Variants in LRRC7 observed in about 807,000 individuals in gnomAD.
LRRC7 encodes leucine-rich repeat-containing protein 7.
A neutral mutation model predicts 175.7 loss-of-function variants in LRRC7; 23 were observed. The observed-to-expected ratio is 0.13, with a 90% CI of 0.09 to 0.19. The LOEUF (loss-of-function observed/expected upper bound fraction) is 0.19. LRRC7 is among the 10% of genes least tolerant of loss of function. The probability of loss-of-function intolerance (pLI) is 1.00; values close to 1 mark genes in which losing one functional copy is unlikely to be tolerated. For missense variants in LRRC7, 1,354 were observed against 1,904.7 expected (o/e 0.71, Z 5.38); for synonymous variants, 685 against 680.9 (o/e 1.01, Z -0.09).
chr1:70,063,527 ACT>A (rs1245449054), intron 23 of LRRC7, among the ~76,000 whole-genome samples: 1 of 152,038 alleles, frequency 6.6e-6, no homozygotes, highest in Non-Finnish European at 1.5e-5. Context: ...TTCACTGTTA[ACT>A]TGAAGTTCTA....
At chr1:69,613,134 C>T (rs576301491) in intron 1 of LRRC7, among the ~76,000 whole-genome samples, 2 of 152,186 alleles carry the variant, frequency 1.3e-5, no homozygotes, top group African/African-American at 4.8e-5. Flanking sequence ...ATGGCGTAGA[C>T]AGCAAACATT....
At position 70,098,423 on chromosome 1, in the gene LRRC7, G is replaced by C. The variant is rs1316862990; in HGVS notation, c.4545+8604G>C. ...ACAATTAAAAGAACTAGAAAAGCAA[G>C]AGCAAACACATTCAAAAGCTAGCAG... On this transcript the variant is annotated intron_variant, in intron 25 of 26. Coordinates refer to ENST00000651989, the MANE Select transcript of LRRC7 (RefSeq NM_001370785.2). Among the ~76,000 whole-genome samples, 19 of 149,162 alleles carry C rather than the reference G, an allele frequency of 1.3e-4. No homozygotes were observed. The East Asian group carries it at 3.7e-3, about 29-fold the overall frequency.
chr1:70,118,021 T>C (rs1436311108), intron 26 of LRRC7, among the ~76,000 whole-genome samples: 2 of 151,744 alleles, frequency 1.3e-5, no homozygotes, highest in Admixed American at 6.6e-5. Flanking sequence ...GCAATGAACA[T>C]TGCACAGTAC....
At chr1:70,089,640 G>T in intron 24 of LRRC7, 87 bp from the exon 25 acceptor site, 1 of 887,662 alleles carries the variant, frequency 1.1e-6, no homozygotes. Flanking sequence ...CAAGTGAAAT[G>T]TGAATCTTTT....
At chr1:70,027,430 G>A (rs569624590) in intron 17 of LRRC7, among the ~76,000 whole-genome samples, 90 of 152,132 alleles carry the variant, frequency 5.9e-4, no homozygotes, top group African/African-American at 2.1e-3. Context: ...ATTCAAGAAT[G>A]GAAATAAGTA....
chr1:69,686,991 CAT>C (rs1661227800), intron 2 of LRRC7, among the ~76,000 whole-genome samples: 1 of 152,000 alleles, frequency 6.6e-6, no homozygotes, highest in African/African-American at 2.4e-5. Context: ...CAAAGCAAAA[CAT>C]ATTACAAGGG....
intron 4 of LRRC7, among the ~76,000 whole-genome samples, chr1:69,794,631 C>T (rs1239302180): frequency 2.6e-5 from 4 of 152,006 alleles, no homozygotes; most frequent in Non-Finnish European, 5.9e-5. Context: ...TATCACATTC[C>T]TTGATTTTCA....
chr1:69,891,927 ATAAAG>A (rs958328769), intron 7 of LRRC7, among the ~76,000 whole-genome samples: 7 of 152,182 alleles, frequency 4.6e-5, no homozygotes, highest in African/African-American at 1.4e-4. Context: ...GTGAAGCACA[ATAAAG>A]TAAAGTGCAA....
At chr1:70,047,743 A>G (rs1660442022) in intron 22 of LRRC7, among the ~76,000 whole-genome samples, 1 of 152,050 alleles carries the variant, frequency 6.6e-6, no homozygotes, top group African/African-American at 2.4e-5. Context: ...TATACTATAA[A>G]GAGTAAATTA....
chr1:69,819,950 G>A (rs748305442), intron 4 of LRRC7, among the ~76,000 whole-genome samples: 15 of 151,906 alleles, frequency 9.9e-5, no homozygotes, highest in Non-Finnish European at 1.5e-4. Flanking sequence ...TTTCAAGCAC[G>A]TGTAGTTGGG....
chr1:69,712,737 G>C (rs954259869), intron 2 of LRRC7, among the ~76,000 whole-genome samples: 1 of 151,988 alleles, frequency 6.6e-6, no homozygotes, highest in Non-Finnish European at 1.5e-5. Context: ...AAGTGCATTT[G>C]GTCTCTTATA....
At chr1:69,665,391 G>C (rs897868980) in intron 1 of LRRC7, among the ~76,000 whole-genome samples, 1 of 152,016 alleles carries the variant, frequency 6.6e-6, no homozygotes, top group African/African-American at 2.4e-5. Flanking sequence ...AGATTGCTTT[G>C]AGTAGTATGG....
chr1:70,009,355 CTTTT>C (rs11286744), intron 11 of LRRC7, among the ~76,000 whole-genome samples: 2 of 132,618 alleles, frequency 1.5e-5, no homozygotes, highest in Non-Finnish European at 1.6e-5. Flanking sequence ...TTCTTTCTTT[CTTTT>C]TTTTTTTTTT....
intron 26 of LRRC7, among the ~76,000 whole-genome samples, chr1:70,115,362 C>T (rs1031661243): frequency 1.3e-5 from 2 of 152,000 alleles, no homozygotes. Flanking sequence ...TTTTTGTTAT[C>T]GTTTTGTATA....
intron 10 of LRRC7, among the ~76,000 whole-genome samples, chr1:69,989,884 T>C (rs1654272132): frequency 6.6e-6 from 1 of 152,130 alleles, no homozygotes. Flanking sequence ...AAAGCTGCCA[T>C]AGAACAAAAA....
In LRRC7 at chr1:70,142,135, TAGAA is replaced by T. The variant is rs1256884136; in HGVS notation, c.*20251_*20254del. 4 of 152,140 alleles carry T rather than the reference TAGAA, an allele frequency of 2.6e-5. No homozygotes were observed. The highest frequency in any genetic ancestry group is 5.9e-5 in the Non-Finnish European group (4 of 67,980). The allele number at this position is 152,140 out of a possible 1,614,324, so 9.4% of individuals were successfully genotyped here. On this transcript the variant is annotated 3_prime_UTR_variant, in exon 27 of 27. Transcript: ENST00000651989. The stretch of plus-strand genomic sequence containing the variant: ...AACATAAAGCAGCTCCCATATCTGC[TAGAA>T]AGGTCATTAATTTTCAGAATATATT...
intron 1 of LRRC7, among the ~76,000 whole-genome samples, chr1:69,659,462 T>C (rs192489214): frequency 1.3e-3 from 202 of 150,210 alleles, no homozygotes; most frequent in Middle Eastern, 3.4e-3. Flanking sequence ...ATAGACAATG[T>C]CATAGTGAAA....
At chr1:69,604,787 T>A (rs1472402394) in intron 1 of LRRC7, among the ~76,000 whole-genome samples, 1 of 152,182 alleles carries the variant, frequency 6.6e-6, no homozygotes, top group Non-Finnish European at 1.5e-5. Context: ...CTTGCCACGT[T>A]AAGATTTGTA....
At chr1:70,070,353 G>A (rs372970433) in intron 23 of LRRC7, among the ~76,000 whole-genome samples, 104 of 152,234 alleles carry the variant, frequency 6.8e-4, no homozygotes, top group Middle Eastern at 3.4e-3. Context: ...TTTGTTTCAA[G>A]TGTGTGTGCG....
Sources: gnomAD v4.1 joint callset for allele counts (sites outside exome capture counted in the v4.1 genomes callset) on GRCh38, gnomAD v4.1.1 for gene constraint, MANE v1.5 for transcripts, NCBI Gene and HGNC (gene_info 2026-07-23, HGNC 2026-07-21) for gene names.